The following KLF17 variants were observed in gnomAD, a reference collection of about 807,000 sequenced individuals.
The protein encoded by KLF17 is Krueppel-like factor 17.
Under a neutral mutation model 34.2 loss-of-function variants are expected in KLF17, and 31 were observed. That is an observed-to-expected ratio of 0.91 (90% CI 0.68 to 1.22). The LOEUF is 1.22. KLF17 is among the 50% of genes most tolerant of loss of function. The probability of loss-of-function intolerance (pLI) is 0.00; values close to 1 mark genes in which losing one functional copy is unlikely to be tolerated. For missense variants in KLF17, 478 were observed against 505.2 expected (o/e 0.95, Z 0.52); for synonymous variants, 179 against 186.7 (o/e 0.96, Z 0.34).
chr1:44,080,117 T>A, the KLF17 span, among the ~76,000 whole-genome samples: 1 of 151,812 alleles, frequency 6.6e-6, no homozygotes, highest in African/African-American at 2.4e-5. Flanking sequence ...TTAGTAGAGA[T>A]GGGATTTCAC....
intron 1 of KLF17, among the ~76,000 whole-genome samples, chr1:44,127,770 C>T (rs1247260862): frequency 7.8e-6 from 1 of 128,672 alleles, no homozygotes; most frequent in Non-Finnish European, 1.7e-5. Flanking sequence ...TTCTTCTCTT[C>T]TTTCTTTCTT....
At chr1:44,127,690 CTTTTTCTTTCTTTCTTTCTTTCTTCTCT>C (rs2088037324) in intron 1 of KLF17, among the ~76,000 whole-genome samples, 8 of 32,082 alleles carry the variant, frequency 2.5e-4, no homozygotes, top group African/African-American at 2.4e-4. Flanking sequence ...TTCTTTCTTT[CTTTTTCTTTCTTTCTTTCTTTCTTCTCT>C]TTTCTTTCTT....
the KLF17 span, among the ~76,000 whole-genome samples, chr1:44,093,261 C>T: frequency 6.6e-6 from 1 of 152,158 alleles, no homozygotes; most frequent in South Asian, 2.1e-4. Context: ...GGAAAATACA[C>T]ATGTGGGCGT....
the KLF17 span, among the ~76,000 whole-genome samples, chr1:44,095,109 GCCAGGATGGTCTCAA>G: frequency 6.6e-6 from 1 of 151,468 alleles, no homozygotes; most frequent in Non-Finnish European, 1.5e-5. Context: ...CACTGTGTTA[GCCAGGATGGTCTCAA>G]CCTCCTGACC....
chr1:44,131,987 G>A (rs767691256), intron 3 of KLF17, among the ~76,000 whole-genome samples: 3 of 152,122 alleles, frequency 2.0e-5, no homozygotes, highest in Non-Finnish European at 2.9e-5. Flanking sequence ...AAGCCATGGT[G>A]TCTGGCTGGG....
At chr1:44,078,901 T>C in the KLF17 span, among the ~76,000 whole-genome samples, 1 of 152,052 alleles carries the variant, frequency 6.6e-6, no homozygotes, top group Non-Finnish European at 1.5e-5. Flanking sequence ...TGGAGCACAG[T>C]GACACCCTCT....
the KLF17 span, among the ~76,000 whole-genome samples, chr1:44,054,574 G>A: frequency 3.6e-5 from 5 of 139,162 alleles, no homozygotes; most frequent in Non-Finnish European, 6.0e-5. Context: ...TCCACCTCCC[G>A]GGTTCATGCC....
At chr1:44,103,610 C>G in the KLF17 span, 1 of 1,607,844 alleles carries the variant, frequency 6.2e-7, no homozygotes. Flanking sequence ...AGGTGGCGAT[C>G]TCGATCTCGA....
At chr1:44,082,097 A>C in the KLF17 span, among the ~76,000 whole-genome samples, 1 of 152,162 alleles carries the variant, frequency 6.6e-6, no homozygotes, top group Admixed American at 6.6e-5. Flanking sequence ...TGCTTAGGGG[A>C]GAGACTAGAA....
At chr1:44,048,035 TGTGTGCAC>T in the KLF17 span, 1 of 149,708 alleles carries the variant, frequency 6.7e-6, no homozygotes, top group African/African-American at 2.6e-5. Context: ...TGTGTGTGTG[TGTGTGCAC>T]GTGCACGCAC....
At chr1:44,081,485 G>T in the KLF17 span, among the ~76,000 whole-genome samples, 1 of 144,848 alleles carries the variant, frequency 6.9e-6, no homozygotes, top group South Asian at 2.4e-4. Context: ...GCACAATCTT[G>T]GCTCACTGCA....
the KLF17 span, among the ~76,000 whole-genome samples, chr1:44,062,275 ATTATT>A: frequency 6.6e-6 from 1 of 152,242 alleles, no homozygotes; most frequent in Non-Finnish European, 1.5e-5. Flanking sequence ...CAGAATTTAG[ATTATT>A]TTATTAAGAT....
At chr1:44,105,636 C>T in the KLF17 span, 1 of 152,194 alleles carries the variant, frequency 6.6e-6, no homozygotes, top group Non-Finnish European at 1.5e-5. Flanking sequence ...AGTTTCCACA[C>T]AATGCATTGA....
intron 1 of KLF17, among the ~76,000 whole-genome samples, chr1:44,123,206 T>C (rs2087968909): frequency 6.6e-6 from 1 of 152,068 alleles, no homozygotes; most frequent in African/African-American, 2.4e-5. Context: ...CTACAGACAC[T>C]TGCCACTATA....
the KLF17 span, chr1:44,103,469 G>A: frequency 5.7e-6 from 5 of 872,434 alleles, no homozygotes; most frequent in Non-Finnish European, 9.7e-6. Flanking sequence ...CGTAGCTGAG[G>A]CCGGGGCTCG....
chr1:44,131,787 C>T (rs763116319), intron 3 of KLF17, among the ~76,000 whole-genome samples: 11 of 152,220 alleles, frequency 7.2e-5, no homozygotes, highest in Admixed American at 2.0e-4. Flanking sequence ...CTCTGCCTCC[C>T]GGGTTCAAAC....
At chr1:44,056,423 A>G in the KLF17 span, among the ~76,000 whole-genome samples, 1 of 152,202 alleles carries the variant, frequency 6.6e-6, no homozygotes, top group Non-Finnish European at 1.5e-5. Flanking sequence ...CTAAGAAGCA[A>G]GTAATAGCCT....
chr1:44,069,215 A>T, the KLF17 span, among the ~76,000 whole-genome samples: 5 of 152,012 alleles, frequency 3.3e-5, no homozygotes, highest in South Asian at 2.1e-4. This position sits in a 1 kb window ranked among gnomAD's most constrained non-coding sequence, Gnocchi z 4.7. Context: ...TCAGCATGGG[A>T]GGAGGGCTTT....
chr1:44,114,549 G>C (rs2154311101), upstream of KLF17: 1 of 152,324 alleles, frequency 6.6e-6, no homozygotes, highest in East Asian at 1.9e-4. Context: ...GGAGTTAGTA[G>C]ATGAAGAAAA....
Sources: allele counts gnomAD v4.1 joint callset (sites outside exome capture counted in the v4.1 genomes callset), GRCh38; gene constraint gnomAD v4.1.1; non-coding constraint Gnocchi (gnomAD v3.1); transcripts MANE v1.5; gene names NCBI Gene and HGNC (gene_info 2026-07-23, HGNC 2026-07-21).